ABHD17C: variants seen among roughly 807,000 people sequenced by gnomAD.
The protein encoded by ABHD17C is abhydrolase domain containing 17C, depalmitoylase, also known as alpha/beta hydrolase domain-containing protein 17C.
In ABHD17C, 11 loss-of-function variants were observed where a neutral mutation model predicts 27.9. The ratio of observed to expected loss-of-function variants is 0.39; its 90% CI spans 0.25 to 0.65. The LOEUF is 0.65. ABHD17C is among the 30% of genes least tolerant of loss of function. ABHD17C has a pLI of 0.45. For missense variants in ABHD17C, 280 were observed against 470.2 expected, an observed-to-expected ratio of 0.60 and a Z score of 3.74; for synonymous variants, 233 against 209.1, an observed-to-expected ratio of 1.11 and a Z score of -0.98.
At chr15:80,713,380 T>TTTTTTTTTTTTTTTC (rs1894754741) in intron 1 of ABHD17C, among the ~76,000 whole-genome samples, 1 of 145,782 alleles carries the variant, frequency 6.9e-6, no homozygotes, top group African/African-American at 2.6e-5. Context: ...TTTTTTTTTT[T>TTTTTTTTTTTTTTTC]TTCAAAATCA....
chr15:80,713,900 C>CCCCACACACACA (rs762670035), intron 1 of ABHD17C, among the ~76,000 whole-genome samples: 1 of 141,048 alleles, frequency 7.1e-6, no homozygotes, highest in Admixed American at 7.1e-5. Context: ...CATATACAGA[C>CCCCACACACACA]CACACACACA....
chr15:80,700,814 T>C (rs55799636), intron 1 of ABHD17C, among the ~76,000 whole-genome samples: 50,244 of 151,978 alleles, frequency 0.33, 10,357 homozygotes, highest in Non-Finnish European at 0.48. Flanking sequence ...GGTGGGAGGA[T>C]CGTCTGAGCC....
At chr15:80,713,592 A>G (rs773646414) in intron 1 of ABHD17C, among the ~76,000 whole-genome samples, 3 of 151,632 alleles carry the variant, frequency 2.0e-5, no homozygotes, top group Non-Finnish European at 4.4e-5. Context: ...GGTGGATCAC[A>G]AGGTCAGCAG....
At chr15:80,749,883 C>T (rs965113942) in intron 2 of ABHD17C, among the ~76,000 whole-genome samples, 191 bp downstream of exon 2, 2 of 152,224 alleles carry the variant, frequency 1.3e-5, no homozygotes, top group African/African-American at 4.8e-5. Flanking sequence ...AGGCCTGACT[C>T]ACTTGTGAAA....
chr15:80,732,731 T>G (rs9919967), intron 1 of ABHD17C, among the ~76,000 whole-genome samples: 142,458 of 152,220 alleles, frequency 0.94, 66,709 homozygotes, highest in East Asian at 0.97. Flanking sequence ...GCTTCATGGG[T>G]TCTGCCCAGC....
chr15:80,735,426 G>A (rs1895116468), intron 1 of ABHD17C, among the ~76,000 whole-genome samples: 1 of 152,018 alleles, frequency 6.6e-6, no homozygotes, highest in Admixed American at 6.6e-5. Context: ...TGGGATAAGA[G>A]CAACACTCTT....
intron 1 of ABHD17C, among the ~76,000 whole-genome samples, chr15:80,700,970 C>G (rs554961878): frequency 1.2e-4 from 18 of 152,336 alleles, no homozygotes; most frequent in Admixed American, 1.2e-3. Flanking sequence ...TTGTGCCAGA[C>G]CGTGTACTAC....
rs1596076477 is a variant in ABHD17C at position 80,755,030 on chromosome 15, T to G, written c.*660T>G. On this transcript the variant is annotated 3_prime_UTR_variant, in exon 3 of 3. Transcript: ENST00000258884. ...GCCAACAGAGTTTTACTATTTTGAT[T>G]GTCTGGTTGGTTTAACAAAGAGCCT... 1 of 152,214 alleles carries G rather than the reference T, an allele frequency of 6.6e-6. No homozygotes were observed. Among genetic ancestry groups the G allele is most frequent in the East Asian group, 1.9e-4 (1 of 5,200 alleles). The allele number at this position is 152,214 out of a possible 1,614,324, so 9.4% of individuals were successfully genotyped here.
intron 1 of ABHD17C, among the ~76,000 whole-genome samples, chr15:80,723,442 G>T (rs144105456): frequency 7.9e-5 from 12 of 152,212 alleles, no homozygotes; most frequent in Non-Finnish European, 1.5e-4. Context: ...TGTCCCATAA[G>T]GAAGGAACTG....
At chr15:80,700,977 C>T (rs1044230556) in intron 1 of ABHD17C, among the ~76,000 whole-genome samples, 9 of 152,206 alleles carry the variant, frequency 5.9e-5, no homozygotes, top group Non-Finnish European at 1.3e-4. Flanking sequence ...AGACCGTGTA[C>T]TACGTACTCT....
intron 1 of ABHD17C, among the ~76,000 whole-genome samples, chr15:80,713,622 A>T (rs1221527579): frequency 6.6e-6 from 1 of 151,880 alleles, no homozygotes; most frequent in Non-Finnish European, 1.5e-5. Flanking sequence ...AGCCTGGCCA[A>T]CATAGTGAAA....
At chr15:80,726,852 T>C (rs928051717) in intron 1 of ABHD17C, among the ~76,000 whole-genome samples, 1 of 152,240 alleles carries the variant, frequency 6.6e-6, no homozygotes, top group African/African-American at 2.4e-5. Context: ...CTTTGCATTG[T>C]AGTTAAGGAA....
chr15:80,710,011 T>C (rs2141494935), intron 1 of ABHD17C, among the ~76,000 whole-genome samples: 1 of 152,284 alleles, frequency 6.6e-6, no homozygotes, highest in South Asian at 2.1e-4. Context: ...TATTCAAATA[T>C]GATAAGTGCT....
chr15:80,749,375 C>G (rs1895336971), intron 1 of ABHD17C, 138 bp from the exon 2 acceptor site: 3 of 818,392 alleles, frequency 3.7e-6, no homozygotes, highest in Non-Finnish European at 3.6e-6. Context: ...TCATCTTAAA[C>G]TAAAGTGTAC....
In ABHD17C at chr15:80,695,902, G is replaced by T. The variant is rs777167453; in HGVS notation, c.473G>T (p.Arg158Leu). 6.3e-7 allele frequency: 1 copy of T among 1,596,830 alleles called. No homozygotes were observed. Among genetic ancestry groups the T allele is most frequent in the Non-Finnish European group, 8.5e-7 (1 of 1,179,032 alleles). The change falls in exon 1 of 3, where the codon CGC (arginine) becomes CTC (leucine). Residue 158 changes from arginine to leucine, a missense_variant. Physicochemically the swap from Arg to Leu is moderately radical, Grantham distance 102. Coordinates refer to ENST00000258884, the MANE Select transcript of ABHD17C (RefSeq NM_021214.2). The surrounding 1 kb of genome is among the most constrained non-coding windows in gnomAD (Gnocchi z 4.3). Reference protein sequence around the residue: ...MCSFYIGLGSRINCNIFSYDY... With the variant: ...MCSFYIGLGSLINCNIFSYDY... ...AGCTTCTACATTGGCCTCGGCTCCC[G>T]CATCAACTGCAACATCTTCTCCTAC...
chr15:80,754,055 G>C (rs372643494), intron 2 of ABHD17C, 96 bp from the exon 3 acceptor site: 45 of 991,794 alleles, frequency 4.5e-5, no homozygotes, highest in East Asian at 2.0e-4. Flanking sequence ...TTCCCTGCCT[G>C]TGGAGATTAT....
chr15:80,728,291 C>T (rs1184525941), intron 1 of ABHD17C, among the ~76,000 whole-genome samples: 1 of 152,220 alleles, frequency 6.6e-6, no homozygotes, highest in Non-Finnish European at 1.5e-5. Context: ...CCTACAAACT[C>T]ACCAGAATGG....
At chr15:80,740,183 G>A (rs1454239034) in intron 1 of ABHD17C, among the ~76,000 whole-genome samples, 1 of 152,002 alleles carries the variant, frequency 6.6e-6, no homozygotes, top group African/African-American at 2.4e-5. Flanking sequence ...TTACTTTTCT[G>A]TGACTTCTCC....
chr15:80,754,019 C>CA lies in ABHD17C; in HGVS notation c.771-129dup. The CA allele has an allele frequency of 4.0e-6, 3 of 749,172 alleles. No individual in the cohort carries two copies. In the Admixed American group the frequency reaches 8.7e-5, roughly 22 times the overall value. 46.4% of individuals were successfully genotyped at this position (749,172 alleles called of 1,614,324 possible). On this transcript the variant is annotated intron_variant, in intron 2 of 2. Coordinates refer to ENST00000258884, the MANE Select transcript of ABHD17C (RefSeq NM_021214.2). Reference sequence around the variant, plus strand: ...TCCTTAATTTAAAAACAAAACAAAACAAACAAAAAAAACCCACGGTGTTAT... The same window carrying CA: ...TCCTTAATTTAAAAACAAAACAAAACAAAACAAAAAAAACCCACGGTGTTAT...
Sources: allele counts gnomAD v4.1 joint callset (sites outside exome capture counted in the v4.1 genomes callset), GRCh38; gene constraint gnomAD v4.1.1; non-coding constraint Gnocchi (gnomAD v3.1); transcripts MANE v1.5; gene names NCBI Gene and HGNC (gene_info 2026-07-23, HGNC 2026-07-21).